The following EPB41 variants were observed in gnomAD, a reference collection of about 807,000 sequenced individuals.
The protein encoded by EPB41 is protein 4.1.
Under a neutral mutation model 108.0 loss-of-function variants are expected in EPB41, and 65 were observed. The ratio of observed to expected loss-of-function variants is 0.60; its 90% confidence interval spans 0.49 to 0.74. The LOEUF (loss-of-function observed/expected upper bound fraction) is 0.74, where lower values mean the gene tolerates loss of function less well. EPB41 is among the 30% of genes least tolerant of loss of function. The probability of loss-of-function intolerance (pLI) is 0.00; values close to 1 mark genes in which losing one functional copy is unlikely to be tolerated. For synonymous variants in EPB41, 336 were observed against 358.9 expected (o/e 0.94, Z 0.72); for missense variants, 875 against 1,037.0 (o/e 0.84, Z 2.15).
intron 1 of EPB41, among the ~76,000 whole-genome samples, chr1:28,922,580 A>G (rs983051629): frequency 6.7e-6 from 1 of 150,052 alleles, no homozygotes; most frequent in African/African-American, 2.5e-5. Flanking sequence ...CTACAGGTGC[A>G]TGCCACCGTG....
chr1:29,056,677 C>T (rs745985811), intron 12 of EPB41, among the ~76,000 whole-genome samples: 2 of 152,116 alleles, frequency 1.3e-5, no homozygotes, highest in Non-Finnish European at 2.9e-5. Context: ...AGGTGCCCGC[C>T]ACCATGCCCA....
At chr1:29,057,977 C>T (rs780697193) in intron 12 of EPB41, among the ~76,000 whole-genome samples, 3 of 152,150 alleles carry the variant, frequency 2.0e-5, no homozygotes, top group Non-Finnish European at 4.4e-5. Flanking sequence ...GTGTCAGTTA[C>T]AATTTAAATT....
At chr1:28,919,619 A>G (rs1241968185) in intron 1 of EPB41, among the ~76,000 whole-genome samples, 1 of 151,824 alleles carries the variant, frequency 6.6e-6, no homozygotes, top group Admixed American at 6.6e-5. Flanking sequence ...ATGCACGGCT[A>G]ATTTTTGTAT....
At chr1:29,000,995 G>GGTCA (rs2096283378) in intron 4 of EPB41, among the ~76,000 whole-genome samples, 1 of 151,984 alleles carries the variant, frequency 6.6e-6, no homozygotes. Context: ...CAAGTTAAAG[G>GGTCA]GTCAGTACAG....
intron 16 of EPB41, chr1:29,072,607 G>C (rs928474774): frequency 1.2e-4 from 19 of 152,130 alleles, no homozygotes; most frequent in Non-Finnish European, 1.5e-5. Flanking sequence ...TGCAGCAAGA[G>C]TCCTCGGAGA....
intron 20 of EPB41, among the ~76,000 whole-genome samples, chr1:29,116,310 A>T (rs914665713): frequency 6.6e-6 from 1 of 151,972 alleles, no homozygotes; most frequent in Non-Finnish European, 1.5e-5. Context: ...CACCATGCCC[A>T]GCTAATTTTT....
rs1443173694 is a variant in EPB41, at chr1:29,118,058, A to G, written c.*1246A>G. On this transcript the variant is annotated 3_prime_UTR_variant, in exon 21 of 21. Coordinates refer to ENST00000343067, the MANE Select transcript of EPB41 (RefSeq NM_001376013.1). ...CTTAGTTTTCCTTTTTTTCATTTTG[A>G]TTTTTGAAAGTGAAGATGATGCCCT... 1 of 151,946 alleles carries G rather than the reference A, an allele frequency of 6.6e-6. No homozygotes were observed. The highest frequency in any genetic ancestry group is 2.4e-5 in the African/African-American group (1 of 41,364). The allele number at this position is 151,946 out of a possible 1,614,324, so 9.4% of individuals were successfully genotyped here.
rs1158872648 is a variant in EPB41, at chr1:29,015,767, G to A, written c.905G>A (p.Arg302Lys). ...DPAQLTEDIT[R>K]YYLCLQLRQD... is the part of the protein sequence containing the mutation. Reference sequence around the variant, plus strand: ...GCACAGTTAACAGAAGACATAACAAGGTAAATAAGTAATAGTTAAATATGT... The same window carrying A: ...GCACAGTTAACAGAAGACATAACAAAGTAAATAAGTAATAGTTAAATATGT... The change falls in exon 6 of 21, where the codon AGA becomes AAA. Residue 302 changes from arginine (R) to lysine (K), a missense_variant and splice_region_variant. By Grantham distance (26) the Arg-to-Lys change is conservative. This residue lies in a region of EPB41 where 353 missense variants were observed against 393.2 expected (regional missense o/e 0.90). Transcript: ENST00000343067. 1.3e-6 allele frequency: 2 copies of A among 1,570,924 alleles called. No individual in the cohort carries two copies.
chr1:28,960,509 C>A (rs1399386089), intron 1 of EPB41, among the ~76,000 whole-genome samples: 1 of 141,364 alleles, frequency 7.1e-6, no homozygotes, highest in African/African-American at 2.6e-5. Flanking sequence ...GGGAGGATCA[C>A]TTGAGCGCAG....
intron 19 of EPB41, among the ~76,000 whole-genome samples, chr1:29,113,506 T>C (rs547263596): frequency 6.6e-6 from 1 of 152,336 alleles, no homozygotes; most frequent in African/African-American, 2.4e-5. Context: ...CCCGCTGCTT[T>C]AGAAGCCTGC....
intron 1 of EPB41, among the ~76,000 whole-genome samples, chr1:28,985,544 G>A (rs1173651692): frequency 6.6e-6 from 1 of 152,156 alleles, no homozygotes; most frequent in Non-Finnish European, 1.5e-5. Context: ...GCCTCCTAAG[G>A]CATAAGACAG....
At position 28,887,287 on chromosome 1, in the gene EPB41, A is replaced by G; in HGVS notation, c.-8+77A>G. 1 of 1,248,644 alleles carries G rather than the reference A, an allele frequency of 8.0e-7. No homozygotes were observed. Among genetic ancestry groups the G allele is most frequent in the Non-Finnish European group, 1.0e-6 (1 of 968,140 alleles). 77.3% of individuals were successfully genotyped at this position (1,248,644 alleles called of 1,614,324 possible). A position where few individuals can be genotyped will look rare whatever the true frequency, so the allele number is the denominator to read the frequency against. On this transcript the variant is annotated intron_variant, in intron 1 of 16. Coordinates refer to the EPB41 transcript ENST00000347529. The surrounding 1 kb of genome is among the most constrained non-coding windows in gnomAD (Gnocchi z 4.9). Reference sequence around the variant, plus strand: ...TTAGGGACAGAAGAACCTACCCCCAAGGGCTCGGACCGTCCCGGGAGAGGC... The same window carrying G: ...TTAGGGACAGAAGAACCTACCCCCAGGGGCTCGGACCGTCCCGGGAGAGGC...
intron 1 of EPB41, among the ~76,000 whole-genome samples, chr1:28,981,427 G>A (rs1207953100): frequency 1.3e-5 from 2 of 152,202 alleles, no homozygotes; most frequent in Non-Finnish European, 1.5e-5. Context: ...AAGGAAAAAA[G>A]CAGCTATTCG....
intron 16 of EPB41, among the ~76,000 whole-genome samples, chr1:29,073,607 CCTTCT>C (rs1202423787): frequency 3.3e-5 from 5 of 152,180 alleles, no homozygotes; most frequent in African/African-American, 1.2e-4. Flanking sequence ...CCAAATTTAT[CCTTCT>C]CTTAATAAAT....
intron 1 of EPB41, among the ~76,000 whole-genome samples, chr1:28,927,587 ATATTTCTG>A (rs1489814972): frequency 6.6e-6 from 1 of 152,168 alleles, no homozygotes; most frequent in Non-Finnish European, 1.5e-5. Flanking sequence ...ATTAATTTAA[ATATTTCTG>A]TGTTTTACAT....
chr1:28,924,673 A>G (rs2093338913), intron 1 of EPB41, among the ~76,000 whole-genome samples: 1 of 152,260 alleles, frequency 6.6e-6, no homozygotes, highest in Non-Finnish European at 1.5e-5. Flanking sequence ...AAAGTAATAG[A>G]TAACTAAAAC....
chr1:28,901,312 C>T (rs1483127520), intron 1 of EPB41, among the ~76,000 whole-genome samples: 4 of 133,360 alleles, frequency 3.0e-5, no homozygotes. Context: ...ACAACCTCCA[C>T]CTCCTGGGTT....
At chr1:29,002,717 T>G (rs1215034521) in intron 4 of EPB41, among the ~76,000 whole-genome samples, 3 of 152,232 alleles carry the variant, frequency 2.0e-5, no homozygotes, top group African/African-American at 7.2e-5. Flanking sequence ...GTTAAAGATC[T>G]AATTGGCTTT....
intron 1 of EPB41, among the ~76,000 whole-genome samples, chr1:28,947,963 A>G (rs1236419709): frequency 6.6e-6 from 1 of 152,156 alleles, no homozygotes; most frequent in African/African-American, 2.4e-5. Flanking sequence ...TTGGTTTGCT[A>G]CAAATTGAAA....
Sources: allele counts gnomAD v4.1 joint callset (sites outside exome capture counted in the v4.1 genomes callset), GRCh38; gene constraint gnomAD v4.1.1; regional missense constraint gnomAD v4.1.1; non-coding constraint Gnocchi (gnomAD v3.1); transcripts MANE v1.5; gene names NCBI Gene and HGNC (gene_info 2026-07-23, HGNC 2026-07-21).